Variants in KIF4A observed in about 807,000 individuals in gnomAD.
The protein encoded by KIF4A is kinesin family member 4A.
KIF4A carries 7 observed loss-of-function variants against 105.9 expected under a neutral mutation model. The observed-to-expected ratio is 0.07, with a 90% confidence interval of 0.04 to 0.12. KIF4A has a LOEUF of 0.12. Ranked by LOEUF, KIF4A falls within the 10% of genes least tolerant of loss-of-function variation. The probability of loss-of-function intolerance (pLI) is 1.00; values close to 1 mark genes in which losing one functional copy is unlikely to be tolerated. For missense variants in KIF4A, 558 were observed against 929.2 expected (o/e 0.60, Z 5.19); for synonymous variants, 281 against 331.3 (o/e 0.85, Z 1.65).
At chrX:70,373,053 C>T (rs368743679) in intron 15 of KIF4A, among the ~76,000 whole-genome samples, 1 of 111,726 alleles carries the variant, frequency 9.0e-6, no homozygotes, top group Admixed American at 9.5e-5. Context: ...GGGAGGATCG[C>T]TTGAGCCCAG....
chrX:70,377,227 C>G (rs191806224), intron 18 of KIF4A, among the ~76,000 whole-genome samples: 10 of 110,922 alleles, frequency 9.0e-5, no homozygotes, highest in Admixed American at 8.7e-4. Flanking sequence ...TGTACACCAT[C>G]ACACCTGGCA....
intron 20 of KIF4A, among the ~76,000 whole-genome samples, chrX:70,391,147 T>C (rs764721046): frequency 6.2e-5 from 7 of 112,393 alleles, no homozygotes; most frequent in Non-Finnish European, 1.3e-4. Context: ...TACTGGGTCA[T>C]ATGATAAGTA....
At chrX:70,340,747 A>G (rs929696154) in intron 10 of KIF4A, among the ~76,000 whole-genome samples, 1 of 111,400 alleles carries the variant, frequency 9.0e-6, no homozygotes, top group African/African-American at 3.3e-5. Flanking sequence ...GTGAGAGGGC[A>G]TCTACTCTAT....
intron 20 of KIF4A, among the ~76,000 whole-genome samples, chrX:70,392,861 T>A (rs763951326): frequency 1.8e-3 from 185 of 104,724 alleles, no homozygotes; most frequent in Non-Finnish European, 2.5e-3. Context: ...TAATAATAAT[T>A]ATTATTATTA....
chrX:70,415,221 A>G (rs952090357), intron 28 of KIF4A: 12 of 184,120 alleles, frequency 6.5e-5, no homozygotes, highest in Non-Finnish European at 1.1e-4. Context: ...GTGAAAATGA[A>G]TGGAATTGAA....
Position 70,371,976 on chromosome X carries a change from C to T in KIF4A, c.1675-2175C>T, listed in dbSNP as rs767073759. On this transcript the variant is annotated intron_variant, in intron 15 of 30. Coordinates refer to ENST00000374403, the MANE Select transcript of KIF4A (RefSeq NM_012310.5). ...CTCACCTCCCAGACGGGGTCACGGC[C>T]GGGTAGAGGCGCTCCTCACATCCCA... Among the ~76,000 whole-genome samples the T allele has an allele frequency of 4.6e-5, 5 of 108,445 alleles. No homozygotes were observed. The East Asian group carries it at 1.2e-3, about 26-fold the overall frequency. The allele number at this position is 108,445 out of a possible 115,157, so 94.2% of individuals were successfully genotyped here.
intron 3 of KIF4A, among the ~76,000 whole-genome samples, chrX:70,296,466 C>T (rs1343528696): frequency 1.8e-5 from 2 of 112,080 alleles, no homozygotes; most frequent in Non-Finnish European, 3.8e-5. Context: ...GATGATATTT[C>T]TGTAAGCAGC....
At chrX:70,348,842 G>A (rs1476113799) in intron 13 of KIF4A, among the ~76,000 whole-genome samples, 1 of 112,023 alleles carries the variant, frequency 8.9e-6, no homozygotes, top group Non-Finnish European at 1.9e-5. Context: ...TTGTCATCAT[G>A]GCCCGTTCTC....
chrX:70,331,831 ATAGAAATGGATTATAG>A (rs1238282025), intron 9 of KIF4A, among the ~76,000 whole-genome samples: 2 of 112,537 alleles, frequency 1.8e-5, no homozygotes, highest in Non-Finnish European at 3.7e-5. Context: ...TGGCTGCTGT[ATAGAAATGGATTATAG>A]TAGAGCAAGA....
At chrX:70,400,022 CTTTTT>C (rs754693441) in intron 22 of KIF4A, among the ~76,000 whole-genome samples, 1 of 97,995 alleles carries the variant, frequency 1.0e-5, no homozygotes, top group African/African-American at 3.7e-5. Flanking sequence ...GCAACTAACT[CTTTTT>C]TTTTTTTATT....
In KIF4A at chrX:70,373,476, G is replaced by A. The variant is rs188732766; in HGVS notation, c.1675-675G>A. 3.9e-3 allele frequency among the ~76,000 whole-genome samples: 319 copies of A among 80,960 alleles called. 1 individual carries two copies. The highest frequency in any genetic ancestry group is 7.7e-3 in the South Asian group (10 of 1,305). The allele number at this position is 80,960 out of a possible 115,157, so 70.3% of individuals were successfully genotyped here. On this transcript the variant is annotated intron_variant, in intron 15 of 30. Transcript: ENST00000374403. ...AGGCAGGAGGATCACTTGAGCCCAG[G>A]AGTTCAAGACCAACCTGGGCAACAT...
At chrX:70,376,256 C>A in intron 18 of KIF4A, 46 bp downstream of exon 18, 1 of 708,682 alleles carries the variant, frequency 1.4e-6, no homozygotes, top group Non-Finnish European at 2.2e-6. Context: ...AAACCCTTCT[C>A]TGAGCTGACT....
At chrX:70,404,572 C>T (rs1344527182) in intron 24 of KIF4A, 143 bp from the exon 25 acceptor site, 1 of 428,657 alleles carries the variant, frequency 2.3e-6, no homozygotes, top group African/African-American at 2.5e-5. Flanking sequence ...GTACTTACTA[C>T]TTCATGCCAT....
At position 70,335,788 on chromosome X, in the gene KIF4A, T is replaced by G. The variant is rs138095931; in HGVS notation, c.1133+2099T>G. ...AATTGACATTGGCAACTAGGAAGCA[T>G]AGGAAGTTTGAGGGGAGTGGGTGGT... On this transcript the variant is annotated intron_variant, in intron 10 of 30. Coordinates refer to ENST00000374403, the MANE Select transcript of KIF4A (RefSeq NM_012310.5). Among the ~76,000 whole-genome samples the G allele has an allele frequency of 6.3e-5, 7 of 111,624 alleles. No individual in the cohort carries two copies. The East Asian group carries it at 2.0e-3, about 31-fold the overall frequency.
Position 70,400,210 on chromosome X carries a change from C to A in KIF4A, c.2490-2356C>A, listed in dbSNP as rs767064934. On this transcript the variant is annotated intron_variant, in intron 22 of 30. Transcript: ENST00000374403. Reference sequence around the variant, plus strand: ...ACAACAGTCCCCAGAGTGTGATATTCCCCTTCCTGTGTCCATGTGATCTCA... The same window carrying A: ...ACAACAGTCCCCAGAGTGTGATATTACCCTTCCTGTGTCCATGTGATCTCA... Among the ~76,000 whole-genome samples the A allele has an allele frequency of 3.2e-3, 302 of 94,618 alleles. 2 individuals are homozygous for A. The highest frequency in any genetic ancestry group is 0.011 in the African/African-American group (294 of 25,713). The allele number at this position is 94,618 out of a possible 115,157, so 82.2% of individuals were successfully genotyped here.
At chrX:70,337,739 A>G (rs760728223) in intron 10 of KIF4A, among the ~76,000 whole-genome samples, 110 of 112,078 alleles carry the variant, frequency 9.8e-4, no homozygotes, top group African/African-American at 3.5e-3. Flanking sequence ...GGATGTACAA[A>G]TGTCTGATCA....
intron 18 of KIF4A, among the ~76,000 whole-genome samples, chrX:70,379,998 A>G (rs777528930): frequency 1.1e-4 from 12 of 111,141 alleles, no homozygotes; most frequent in Non-Finnish European, 1.5e-4. Context: ...AACTAAATCC[A>G]TCAACATTTA....
intron 28 of KIF4A, among the ~76,000 whole-genome samples, chrX:70,416,475 C>A (rs1206641846): frequency 9.3e-6 from 1 of 107,113 alleles, no homozygotes; most frequent in African/African-American, 3.4e-5. Context: ...ACCTCAGCCT[C>A]CTGAGGTTGA....
Position 70,374,245 on chromosome X carries a change from A to C in KIF4A, c.1769A>C (p.Asn590Thr). Reference protein sequence around the residue: ...LELQTAKKDANQAKLSERRRK... With the variant: ...LELQTAKKDATQAKLSERRRK... ...CTTCAGACAGCAAAGAAGGATGCCA[A>C]CCAAGCCAAGTAAGAATAAAGTTAA... The change falls in exon 16 of 31, where the codon AAC (asparagine) becomes ACC (threonine). Residue 590 changes from asparagine (N) to threonine (T), a missense_variant. By Grantham distance (65) the Asn-to-Thr change is moderately conservative. Around this residue, in one of 2 missense-constraint regions of KIF4A, gnomAD observed 469 missense variants for 680.4 expected, o/e 0.69. Transcript: ENST00000374403. 8.5e-7 allele frequency: 1 copy of C among 1,175,166 alleles called. No homozygotes were observed. Among genetic ancestry groups the C allele is most frequent in the Non-Finnish European group, 1.2e-6 (1 of 863,518 alleles).
Sources: allele counts gnomAD v4.1 joint callset (sites outside exome capture counted in the v4.1 genomes callset), GRCh38; gene constraint gnomAD v4.1.1; regional missense constraint gnomAD v4.1.1; transcripts MANE v1.5; gene names NCBI Gene and HGNC (gene_info 2026-07-23, HGNC 2026-07-21).